CHD1L: variants seen among roughly 807,000 people sequenced by gnomAD.
The protein encoded by CHD1L is ATP-dependent chromatin remodeler CHD1L.
Under a neutral mutation model 115.9 loss-of-function variants are expected in CHD1L, and 118 were observed. That is an observed-to-expected ratio of 1.02 (90% CI 0.88 to 1.19). The LOEUF (loss-of-function observed/expected upper bound fraction) is 1.19. Among genes scored for constraint, CHD1L ranks in the 50% most tolerant of loss-of-function variants. The pLI, the probability that CHD1L is intolerant of heterozygous loss-of-function variation, is 0.00. For synonymous variants in CHD1L, 411 were observed against 387.1 expected (o/e 1.06, Z -0.72); for missense variants, 1,179 against 1,065.3 (o/e 1.11, Z -1.49).
the CHD1L span, chr1:147,212,257 C>T: frequency 7.0e-6 from 6 of 853,766 alleles, no homozygotes; most frequent in African/African-American, 3.4e-5. Context: ...GGTAATGAAA[C>T]GAAGCCCTAT....
At chr1:147,203,466 T>A in the CHD1L span, 1 of 832,864 alleles carries the variant, frequency 1.2e-6, no homozygotes. Flanking sequence ...CAGCAGGGAC[T>A]ACAGCCTCAG....
At chr1:147,262,392 A>G (rs782240468) in intron 6 of CHD1L, among the ~76,000 whole-genome samples, 2 of 152,108 alleles carry the variant, frequency 1.3e-5, no homozygotes, top group Non-Finnish European at 2.9e-5. Context: ...ACAAAATACT[A>G]TTTACAAACA....
At chr1:147,244,927 T>C (rs1322250413) in intron 1 of CHD1L, among the ~76,000 whole-genome samples, 4 of 152,236 alleles carry the variant, frequency 2.6e-5, no homozygotes, top group Admixed American at 6.5e-5. Flanking sequence ...TGCTTATTTC[T>C]CTATACTCTC....
the CHD1L span, among the ~76,000 whole-genome samples, chr1:147,196,462 G>T: frequency 6.6e-6 from 1 of 151,780 alleles, no homozygotes; most frequent in African/African-American, 2.4e-5. Flanking sequence ...TTTCTTGATT[G>T]TGGGAGACAC....
chr1:147,228,956 G>A, the CHD1L span, among the ~76,000 whole-genome samples: 1 of 152,102 alleles, frequency 6.6e-6, no homozygotes, highest in African/African-American at 2.4e-5. Context: ...CCATTCGGTA[G>A]GTTGCCTGTT....
At position 147,289,844 on chromosome 1, in the gene CHD1L, G is replaced by A. The variant is rs189159304; in HGVS notation, c.2321-1638G>A. ...GGAGGGTTTAGGCAGAAGAATAGAG[G>A]AGAGTTTCGTTTTCATCAGCGGCTT... On this transcript the variant is annotated intron_variant, in intron 19 of 22. Transcript: ENST00000369258. Among the ~76,000 whole-genome samples, 16 of 152,332 alleles carry A rather than the reference G, an allele frequency of 1.1e-4. 2 individuals carry two copies. The highest frequency in any genetic ancestry group is 7.2e-4 in the Admixed American group (11 of 15,298).
At chr1:147,181,958 T>C in the CHD1L span, among the ~76,000 whole-genome samples, 8 of 152,148 alleles carry the variant, frequency 5.3e-5, no homozygotes, top group African/African-American at 1.9e-4. Context: ...AAATTGAGAC[T>C]TTAGTGGTGT....
At chr1:147,196,754 T>C in the CHD1L span, among the ~76,000 whole-genome samples, 10 of 152,034 alleles carry the variant, frequency 6.6e-5, no homozygotes, top group African/African-American at 1.2e-4. Flanking sequence ...CTTTGCTCCC[T>C]GTCTTAGTTT....
At chr1:147,272,364 T>C (rs1352795370) in intron 12 of CHD1L, 83 bp downstream of exon 12, 6 of 955,138 alleles carry the variant, frequency 6.3e-6, no homozygotes, top group Admixed American at 4.0e-5. Context: ...TACACTTTTT[T>C]CCTTAATTCT....
At chr1:147,294,267 C>T (rs1437529197) in intron 21 of CHD1L, 142 bp from the exon 22 acceptor site, 2 of 471,916 alleles carry the variant, frequency 4.2e-6, no homozygotes, top group African/African-American at 2.0e-5. Context: ...TTTCTTACTA[C>T]AATTCTTCCC....
At chr1:147,235,031 C>T in the CHD1L span, among the ~76,000 whole-genome samples, 2 of 151,694 alleles carry the variant, frequency 1.3e-5, no homozygotes, top group Non-Finnish European at 2.9e-5. Context: ...TAGTTAGGAA[C>T]AGTAATACAA....
At chr1:147,208,758 T>C in the CHD1L span, 24 of 1,026,870 alleles carry the variant, frequency 2.3e-5, no homozygotes, top group Non-Finnish European at 3.4e-5. Flanking sequence ...TTTCTTAATG[T>C]ATGGGTAGAG....
the CHD1L span, chr1:147,209,966 C>T: frequency 6.6e-6 from 1 of 152,178 alleles, no homozygotes; most frequent in Admixed American, 6.5e-5. Flanking sequence ...AATGTGTTTT[C>T]TCAAGGATAG....
Position 147,264,517 on chromosome 1 carries a change from C to CT in CHD1L, c.676dup (p.Ser226PhefsTer16), listed in dbSNP as rs1334434011. ...TCCTCAGTTTTGTGGAGCCTGATCT[C>CT]TTTTCCAAGGAAGAGGTGGGAGATT... On this transcript the variant is annotated frameshift_variant, in exon 7 of 23. Transcript: ENST00000369258. LOFTEE classifies it high-confidence loss of function. The CT allele has an allele frequency of 3.1e-6, 5 of 1,613,982 alleles. No homozygotes were observed. The South Asian group carries it at 4.4e-5, about 14-fold the overall frequency.
the CHD1L span, chr1:147,203,344 A>C: frequency 6.8e-7 from 1 of 1,464,728 alleles, no homozygotes; most frequent in East Asian, 2.3e-5. Context: ...TGGTTTTGCC[A>C]TGATTACCTG....
At chr1:147,257,319 T>G (rs1571734518) in intron 5 of CHD1L, among the ~76,000 whole-genome samples, 1 of 152,286 alleles carries the variant, frequency 6.6e-6, no homozygotes, top group Middle Eastern at 3.4e-3. Flanking sequence ...CAGGTTCCTG[T>G]GAGCTGGATT....
At chr1:147,190,211 C>G in the CHD1L span, 1 of 1,611,966 alleles carries the variant, frequency 6.2e-7, no homozygotes, top group Middle Eastern at 1.7e-4. Context: ...TTAGATATTT[C>G]TGCCATCATT....
In CHD1L at chr1:147,284,328, CTCTT is replaced by C. The variant is rs782243592; in HGVS notation, c.1706-21_1706-18del. 34 of 1,523,150 alleles carry C rather than the reference CTCTT, an allele frequency of 2.2e-5. No homozygotes were observed. Among genetic ancestry groups the C allele is most frequent in the East Asian group, 1.6e-4 (7 of 43,228 alleles). The allele number at this position is 1,523,150 out of a possible 1,614,324, so 94.4% of individuals were successfully genotyped here. ...TTTTTCCTTGGTATCTAACATTTCTCTCTTTGTGTTTTATGTTGTTAGAAAATCA... is the reference window on the plus strand; with the variant it reads ...TTTTTCCTTGGTATCTAACATTTCTCTGTGTTTTATGTTGTTAGAAAATCA... On this transcript the variant is annotated intron_variant, in intron 15 of 22. Transcript: ENST00000369258.
chr1:147,212,653 T>G, the CHD1L span: 1 of 934,144 alleles, frequency 1.1e-6, no homozygotes, highest in Non-Finnish European at 1.6e-6. Context: ...AGTGTTCTCT[T>G]TACTCAGCTA....
Sources: gnomAD v4.1 joint callset for allele counts (sites outside exome capture counted in the v4.1 genomes callset) on GRCh38, gnomAD v4.1.1 for gene constraint, MANE v1.5 for transcripts, NCBI Gene and HGNC (gene_info 2026-07-23, HGNC 2026-07-21) for gene names.